The following GREB1L variants were observed in gnomAD, a reference collection of about 807,000 sequenced individuals.
GREB1L encodes GREB1 like retinoic acid receptor coactivator.
GREB1L carries 17 observed loss-of-function variants against 200.8 expected under a neutral mutation model. The observed-to-expected ratio is 0.08, with a 90% CI of 0.06 to 0.13. The LOEUF (loss-of-function observed/expected upper bound fraction) is 0.13, where lower values mean the gene tolerates loss of function less well. Ranked by LOEUF, GREB1L falls within the 10% of genes least tolerant of loss-of-function variation. The probability of loss-of-function intolerance (pLI) is 1.00; values close to 1 mark genes in which losing one functional copy is unlikely to be tolerated. For synonymous variants in GREB1L, 789 were observed against 893.0 expected (o/e 0.88, Z 2.08); for missense variants, 1,657 against 2,367.7 (o/e 0.70, Z 6.23).
intron 1 of GREB1L, among the ~76,000 whole-genome samples, chr18:21,287,242 A>G (rs539817815): frequency 5.3e-5 from 8 of 152,160 alleles, no homozygotes; most frequent in East Asian, 1.9e-4. Context: ...CCCCACACCA[A>G]GACTTACACC....
Position 21,496,714 on chromosome 18 carries a change from T to C in GREB1L, c.3391+16T>C, listed in dbSNP as rs1378589275. ...GGGACCTCGGGTCAGTACTTTCTTTTCTCTTTCATGGAGTGAGAGACATGA... is the reference window on the plus strand; with the variant it reads ...GGGACCTCGGGTCAGTACTTTCTTTCCTCTTTCATGGAGTGAGAGACATGA... On this transcript the variant is annotated intron_variant, in intron 21 of 32. Transcript: ENST00000424526. The C allele has an allele frequency of 6.5e-7, 1 of 1,549,680 alleles. No individual in the cohort carries two copies. Among genetic ancestry groups the C allele is most frequent in the Admixed American group, 2.0e-5 (1 of 50,924 alleles).
At position 21,367,459 on chromosome 18, in the gene GREB1L, G is replaced by A. The variant is rs1009865427; in HGVS notation, c.-10+1323G>A. 1.7e-4 allele frequency among the ~76,000 whole-genome samples: 26 copies of A among 152,150 alleles called. 1 individual carries two copies. Among genetic ancestry groups the A allele is most frequent in the African/African-American group, 5.3e-4 (22 of 41,434 alleles). On this transcript the variant is annotated intron_variant, in intron 2 of 32. Coordinates refer to ENST00000424526, the MANE Select transcript of GREB1L (RefSeq NM_001142966.3). ...TTTCCTTGGAGCAGAAAGCGGTAGC[G>A]GGTGGGGAGTGAGGGAGGGTGGACG...
At chr18:21,265,722 C>A (rs1371095946) in intron 1 of GREB1L, among the ~76,000 whole-genome samples, 1 of 152,068 alleles carries the variant, frequency 6.6e-6, no homozygotes, top group Non-Finnish European at 1.5e-5. Context: ...ATCCTCTCGC[C>A]ATGATGTTGA....
chr18:21,268,945 C>T (rs949472067), intron 1 of GREB1L, among the ~76,000 whole-genome samples: 2 of 151,876 alleles, frequency 1.3e-5, no homozygotes, highest in Non-Finnish European at 2.9e-5. Context: ...CACAAATAGG[C>T]TTGTGAAGAT....
chr18:21,428,027 A>G (rs981799981), intron 7 of GREB1L, among the ~76,000 whole-genome samples: 3 of 150,410 alleles, frequency 2.0e-5, no homozygotes, highest in African/African-American at 7.3e-5. Context: ...CGTCTCTACT[A>G]AAAATACAAA....
At chr18:21,351,996 C>T (rs184056518) in intron 1 of GREB1L, among the ~76,000 whole-genome samples, 84 of 151,994 alleles carry the variant, frequency 5.5e-4, no homozygotes, top group African/African-American at 1.8e-3. Context: ...TACAGGCACG[C>T]GCCACCACGC....
rs2145360409 is a variant in GREB1L, at chr18:21,447,049, C to A, written c.1394-2461C>A. Among the ~76,000 whole-genome samples, 2 of 152,276 alleles carry A rather than the reference C, an allele frequency of 1.3e-5. 1 individual carries two copies. Among genetic ancestry groups the A allele is most frequent in the South Asian group, 4.1e-4 (2 of 4,828 alleles). ...TCAGCTAACCTAAGTTATTGGAGAT[C>A]AGCACTTGAAGGAAAAGATTATTGT... On this transcript the variant is annotated intron_variant, in intron 11 of 32. Coordinates refer to ENST00000424526, the MANE Select transcript of GREB1L (RefSeq NM_001142966.3).
rs1266430801 is a variant in GREB1L, at chr18:21,403,939, T to C, written c.777T>C (p.Thr259=). 1.3e-6 allele frequency: 2 copies of C among 1,551,126 alleles called. No homozygotes were observed. Among genetic ancestry groups the C allele is most frequent in the African/African-American group, 2.7e-5 (2 of 73,168 alleles). Residue 259 remains threonine (T), a synonymous_variant, in exon 7 of 33, where the codon ACT becomes ACC. Coordinates refer to ENST00000424526, the MANE Select transcript of GREB1L (RefSeq NM_001142966.3). The part of the protein sequence containing the change: ...SIKPSSSVSS[T]VTPENGTTNG... ...AGCCAAGCTCTTCAGTGTCGTCAAC[T>C]GTGACCCCAGAAAATGGGACAACTA...
At chr18:21,496,368 T>C in intron 20 of GREB1L, 86 bp from the exon 21 acceptor site, 2 of 1,410,470 alleles carry the variant, frequency 1.4e-6, no homozygotes, top group Non-Finnish European at 1.9e-6. Context: ...TTAACTGCTG[T>C]GTGTTGCATC....
intron 6 of GREB1L, 117 bp downstream of exon 6, chr18:21,401,443 G>A: frequency 1.2e-6 from 1 of 828,812 alleles, no homozygotes; most frequent in Non-Finnish European, 1.8e-6. Context: ...AGTTCAGAAG[G>A]ATATCCCAAA....
intron 2 of GREB1L, among the ~76,000 whole-genome samples, chr18:21,376,068 A>G (rs544221757): frequency 6.6e-6 from 1 of 152,262 alleles, no homozygotes; most frequent in South Asian, 2.1e-4. Context: ...GAGTTAAGGG[A>G]AAATTTTATC....
At chr18:21,486,045 G>A (rs1318953208) in intron 18 of GREB1L, among the ~76,000 whole-genome samples, 1 of 152,186 alleles carries the variant, frequency 6.6e-6, no homozygotes, top group Non-Finnish European at 1.5e-5. Context: ...AGGGCAGAGA[G>A]GGATTTGCTT....
intron 4 of GREB1L, among the ~76,000 whole-genome samples, chr18:21,390,976 A>G (rs2144255410): frequency 6.6e-6 from 1 of 152,356 alleles, no homozygotes; most frequent in Non-Finnish European, 1.5e-5. Flanking sequence ...ATTATGAATC[A>G]GAAGGTTTTT....
chr18:21,417,990 A>G (rs975290780), intron 7 of GREB1L, among the ~76,000 whole-genome samples: 1 of 151,942 alleles, frequency 6.6e-6, no homozygotes, highest in African/African-American at 2.4e-5. Flanking sequence ...CAAAAAAAAA[A>G]AAAAGAAAAG....
chr18:21,281,637 G>C (rs116089814), intron 1 of GREB1L, among the ~76,000 whole-genome samples: 2 of 152,074 alleles, frequency 1.3e-5, no homozygotes, highest in African/African-American at 4.8e-5. Flanking sequence ...TAAAATTTTG[G>C]TACATGTCCA....
intron 12 of GREB1L, among the ~76,000 whole-genome samples, chr18:21,450,480 A>G (rs1433012863): frequency 6.6e-6 from 1 of 152,122 alleles, no homozygotes; most frequent in Non-Finnish European, 1.5e-5. Flanking sequence ...CTGTCTGCCC[A>G]TTTTTCTGTG....
At chr18:21,516,547 C>G (rs1467691420) in intron 29 of GREB1L, 66 bp from the exon 30 acceptor site, 3 of 1,407,400 alleles carry the variant, frequency 2.1e-6, no homozygotes, top group Admixed American at 4.4e-5. Flanking sequence ...ATTTATTTCT[C>G]TGTGTATAGT....
intron 15 of GREB1L, among the ~76,000 whole-genome samples, chr18:21,460,761 T>C (rs1429847021): frequency 6.6e-6 from 1 of 151,990 alleles, no homozygotes; most frequent in Non-Finnish European, 1.5e-5. Context: ...ATGACCATGC[T>C]ACCCCACCCA....
chr18:21,383,742 T>G, intron 3 of GREB1L, 67 bp downstream of exon 3: 1 of 1,463,464 alleles, frequency 6.8e-7, no homozygotes, highest in Middle Eastern at 2.3e-4. Context: ...AGATGGAGTC[T>G]CCGTCTGTTG....
Sources: allele counts gnomAD v4.1 joint callset (sites outside exome capture counted in the v4.1 genomes callset), GRCh38; gene constraint gnomAD v4.1.1; transcripts MANE v1.5; gene names NCBI Gene and HGNC (gene_info 2026-07-23, HGNC 2026-07-21).